Variants in FMN2 observed in about 807,000 individuals in gnomAD.
FMN2 encodes the protein formin-2.
A neutral mutation model predicts 142.3 loss-of-function variants in FMN2; 51 were observed. The ratio of observed to expected loss-of-function variants is 0.36; its 90% CI spans 0.29 to 0.45. The LOEUF is 0.45. Among genes scored for constraint, FMN2 ranks in the 20% least tolerant of loss-of-function variants. The probability of loss-of-function intolerance (pLI) is 1.00; values close to 1 mark genes in which losing one functional copy is unlikely to be tolerated. For missense variants in FMN2, 1,936 were observed against 2,122.8 expected, an observed-to-expected ratio of 0.91 and a Z score of 1.73; for synonymous variants, 882 against 869.8, an observed-to-expected ratio of 1.01 and a Z score of -0.25.
chr1:240,107,116 G>A (rs1661644426), intron 1 of FMN2, among the ~76,000 whole-genome samples: 1 of 151,898 alleles, frequency 6.6e-6, no homozygotes, highest in Admixed American at 6.6e-5. Context: ...GGAGCTAGAT[G>A]TGATAGCAGT....
chr1:240,470,693 T>G (rs927371703), intron 16 of FMN2, among the ~76,000 whole-genome samples: 1 of 152,180 alleles, frequency 6.6e-6, no homozygotes, highest in African/African-American at 2.4e-5. Context: ...AAGGTCTATA[T>G]GAAATGCATT....
In FMN2 at chr1:240,230,347, A is replaced by AACAAC. The variant is rs36095650; in HGVS notation, c.4065+19113_4065+19114insCAACA. Among the ~76,000 whole-genome samples the AACAAC allele has an allele frequency of 1.2e-4, 16 of 128,118 alleles. 2 individuals are homozygous for AACAAC. The South Asian group carries it at 1.7e-3, about 14-fold the overall frequency. The allele number at this position is 128,118 out of a possible 152,430, so 84.1% of individuals were successfully genotyped here. ...GTCTGAAAAACAACAACAACAACAA[A>AACAAC]AAAACTAACCCAATAGCTTATAGAA... On this transcript the variant is annotated intron_variant, in intron 6 of 17. Transcript: ENST00000319653.
chr1:240,372,256 A>T (rs1198788886), intron 14 of FMN2, among the ~76,000 whole-genome samples: 1 of 152,136 alleles, frequency 6.6e-6, no homozygotes, highest in Non-Finnish European at 1.5e-5. Context: ...AACTTATGAG[A>T]AAAGTCATCT....
At chr1:240,364,217 C>T (rs10926228) in intron 14 of FMN2, among the ~76,000 whole-genome samples, 2,771 of 152,112 alleles carry the variant, frequency 0.018, 80 homozygotes, top group African/African-American at 0.063. Flanking sequence ...GAACCAAGAT[C>T]TTTTAAAGGA....
intron 14 of FMN2, among the ~76,000 whole-genome samples, chr1:240,386,272 TA>T (rs1673402732): frequency 6.6e-6 from 1 of 152,186 alleles, no homozygotes; most frequent in Non-Finnish European, 1.5e-5. Flanking sequence ...TGCATCTGTC[TA>T]AAAAATATCC....
Position 240,292,314 on chromosome 1 carries a change from C to T in FMN2, c.4154-2508C>T, listed in dbSNP as rs1341505769. Among the ~76,000 whole-genome samples the T allele has an allele frequency of 9.9e-4, 151 of 152,184 alleles. 1 individual carries two copies. The highest frequency in any genetic ancestry group is 3.1e-4 in the Non-Finnish European group (21 of 67,996). ...ACATAAATAAGTAAGTAGGTAAGTACATAAGTAAATAAGTAAAAAATAAAA... is the reference window on the plus strand; with the variant it reads ...ACATAAATAAGTAAGTAGGTAAGTATATAAGTAAATAAGTAAAAAATAAAA... On this transcript the variant is annotated intron_variant, in intron 7 of 17. Transcript: ENST00000319653.
At chr1:240,162,649 T>C (rs1664325940) in intron 2 of FMN2, among the ~76,000 whole-genome samples, 1 of 152,176 alleles carries the variant, frequency 6.6e-6, no homozygotes, top group African/African-American at 2.4e-5. Context: ...TTTCCTTTTT[T>C]ATTTCTGACA....
intron 1 of FMN2, among the ~76,000 whole-genome samples, chr1:240,109,095 A>G (rs1468050163): frequency 2.0e-5 from 3 of 152,190 alleles, no homozygotes; most frequent in African/African-American, 7.2e-5. Flanking sequence ...TATCAGTGAC[A>G]TATTTGTAGG....
chr1:240,275,196 C>T lies in FMN2; in HGVS notation c.4153+17164C>T, dbSNP rs181676430. On this transcript the variant is annotated intron_variant, in intron 7 of 17. Transcript: ENST00000319653. The stretch of plus-strand genomic sequence containing the variant: ...TGGTGTTTTGCTGCATGCATCAACC[C>T]GTCACCTACATTAGGTATTTCTCCT... Among the ~76,000 whole-genome samples the T allele has an allele frequency of 8.6e-4, 131 of 151,710 alleles. No individual in the cohort carries two copies. The Middle Eastern group carries it at 0.014, about 16-fold the overall frequency.
chr1:240,429,703 AT>A (rs1166263914), intron 15 of FMN2, among the ~76,000 whole-genome samples: 1 of 151,826 alleles, frequency 6.6e-6, no homozygotes, highest in African/African-American at 2.4e-5. Context: ...TTTGTCACTT[AT>A]TTTTTTAGAG....
intron 2 of FMN2, among the ~76,000 whole-genome samples, chr1:240,175,333 G>A (rs1404900634): frequency 6.6e-6 from 1 of 152,098 alleles, no homozygotes; most frequent in Admixed American, 6.5e-5. Context: ...TAATTCTGTG[G>A]CATATATATC....
At chr1:240,212,400 T>G (rs1305600360) in intron 6 of FMN2, among the ~76,000 whole-genome samples, 2 of 152,216 alleles carry the variant, frequency 1.3e-5, no homozygotes, top group Non-Finnish European at 2.9e-5. Flanking sequence ...CATTATGCAG[T>G]TGAATTCTTT....
chr1:240,358,979 G>T (rs912562619), intron 14 of FMN2, among the ~76,000 whole-genome samples: 2 of 152,126 alleles, frequency 1.3e-5, no homozygotes, highest in African/African-American at 4.8e-5. Context: ...ACAAAAGTTA[G>T]CCGGGTGTGG....
chr1:240,426,930 G>A lies in FMN2; in HGVS notation c.4911-11131G>A, dbSNP rs574598414. On this transcript the variant is annotated intron_variant, in intron 15 of 17. Coordinates refer to ENST00000319653, the MANE Select transcript of FMN2 (RefSeq NM_020066.5). ...ATTTTTATATTTTTAGTAGAGATGG[G>A]GTTTCACTATCTTGGCCAGGCTGGT... Among the ~76,000 whole-genome samples, 102 of 151,838 alleles carry A rather than the reference G, an allele frequency of 6.7e-4. 1 individual carries two copies. Among genetic ancestry groups the A allele is most frequent in the African/African-American group, 2.3e-3 (95 of 41,378 alleles).
At chr1:240,121,632 G>A (rs1242406815) in intron 1 of FMN2, among the ~76,000 whole-genome samples, 5 of 144,528 alleles carry the variant, frequency 3.5e-5, no homozygotes, top group East Asian at 2.2e-4. Flanking sequence ...CTCGTGATCC[G>A]CCAGCCTCGG....
chr1:240,376,542 T>C (rs1221682398), intron 14 of FMN2, among the ~76,000 whole-genome samples: 1 of 152,158 alleles, frequency 6.6e-6, no homozygotes, highest in Non-Finnish European at 1.5e-5. Flanking sequence ...ACCTATAGAA[T>C]GTGTATAGAC....
At chr1:240,143,020 C>A in intron 2 of FMN2, 1 of 1,507,320 alleles carries the variant, frequency 6.6e-7, no homozygotes, top group Non-Finnish European at 9.2e-7. Flanking sequence ...CCAGCCATGG[C>A]CACTGGACTC....
chr1:240,362,282 T>C (rs768120092), intron 14 of FMN2, among the ~76,000 whole-genome samples: 1 of 152,270 alleles, frequency 6.6e-6, no homozygotes, highest in East Asian at 1.9e-4. Context: ...TGACATAGGA[T>C]TTTTCTGTCG....
intron 15 of FMN2, among the ~76,000 whole-genome samples, chr1:240,422,759 A>T (rs1674815685): frequency 6.6e-6 from 1 of 152,196 alleles, no homozygotes; most frequent in African/African-American, 2.4e-5. Context: ...TGCAATAAAT[A>T]TAAGACAAAT....
Sources: allele counts gnomAD v4.1 joint callset (sites outside exome capture counted in the v4.1 genomes callset), GRCh38; gene constraint gnomAD v4.1.1; transcripts MANE v1.5; gene names NCBI Gene and HGNC (gene_info 2026-07-23, HGNC 2026-07-21).